Variants in EMX1 observed in about 807,000 individuals in gnomAD.
The protein encoded by EMX1 is homeobox protein EMX1.
Under a neutral mutation model 20.1 loss-of-function variants are expected in EMX1, and 10 were observed. That is an observed-to-expected ratio of 0.50 (90% CI 0.31 to 0.84). The LOEUF (loss-of-function observed/expected upper bound fraction) is 0.84. Ranked by LOEUF, EMX1 falls within the 40% of genes least tolerant of loss-of-function variation. The pLI, the probability that EMX1 is intolerant of heterozygous loss-of-function variation, is 0.05. For synonymous variants in EMX1, 250 were observed against 200.4 expected (o/e 1.25, Z -2.09); for missense variants, 424 against 431.9 (o/e 0.98, Z 0.16).
At chr2:72,925,399 T>C in intron 2 of EMX1, 7 of 1,245,614 alleles carry the variant, frequency 5.6e-6, no homozygotes, top group Non-Finnish European at 7.3e-6. Context: ...CATAAATAAA[T>C]GCTGCCTGGG....
chr2:72,917,754 G>C lies in EMX1; in HGVS notation c.-99G>C. The C allele has an allele frequency of 8.9e-7, 1 of 1,129,214 alleles. No individual in the cohort carries two copies. 69.9% of individuals were successfully genotyped at this position (1,129,214 alleles called of 1,614,324 possible). ...TACGCTGTGGCCGGACCCCGCGGTC[G>C]CTCGCTCACACACCCCTCGCCGCTC... On this transcript the variant is annotated 5_prime_UTR_variant, in exon 1 of 3. Coordinates refer to ENST00000258106, the MANE Select transcript of EMX1 (RefSeq NM_004097.3).
At chr2:72,917,434 C>A, upstream of EMX1, 1 of 201,704 alleles carries the variant, frequency 5.0e-6, no homozygotes, top group Non-Finnish European at 9.9e-6. Flanking sequence ...TCCCCACCCG[C>A]CGTCCCTCGC....
At chr2:72,928,743 A>G (rs1671241998) in intron 2 of EMX1, among the ~76,000 whole-genome samples, 1 of 152,218 alleles carries the variant, frequency 6.6e-6, no homozygotes, top group South Asian at 2.1e-4. Context: ...AAGCTTGCAC[A>G]TTTGTGAAAC....
At position 72,930,774 on chromosome 2, in the gene EMX1, AC is replaced by A. The variant is rs1671267819; in HGVS notation, c.706-3012del. On this transcript the variant is annotated intron_variant, in intron 2 of 2. Coordinates refer to ENST00000258106, the MANE Select transcript of EMX1 (RefSeq NM_004097.3). This position sits in a 1 kb window ranked among gnomAD's most constrained non-coding sequence, Gnocchi z 4.4. ...TGAAATGTCACTCTCATCTCCTAAT[AC>A]ACTCAGAGCCCAGTTCCTTTTCTTT... is the stretch of plus-strand genomic sequence containing the variant. 6.6e-6 allele frequency among the ~76,000 whole-genome samples: 1 copy of A among 152,162 alleles called. No homozygotes were observed. Among genetic ancestry groups the A allele is most frequent in the Non-Finnish European group, 1.5e-5 (1 of 68,030 alleles).
In EMX1 at chr2:72,924,387, C is replaced by G; in HGVS notation, c.599C>G (p.Ser200Trp). ...RKPKRIRTAF[S>W]PSQLLRLERA... ...CCCAAGCGGATCCGCACGGCCTTCTCGCCCTCGCAGCTGCTGCGGCTGGAG... is the reference window on the plus strand; with the variant it reads ...CCCAAGCGGATCCGCACGGCCTTCTGGCCCTCGCAGCTGCTGCGGCTGGAG... The change falls in exon 2 of 3, where the codon TCG becomes TGG. Residue 200 changes from serine (S) to tryptophan (W), a missense_variant. By Grantham distance (177) the Ser-to-Trp change is radical. Around this residue, in one of 2 missense-constraint regions of EMX1, gnomAD observed 91 missense variants for 135.2 expected, o/e 0.67. Coordinates refer to ENST00000258106, the MANE Select transcript of EMX1 (RefSeq NM_004097.3). The G allele has an allele frequency of 6.3e-7, 1 of 1,594,828 alleles. No individual in the cohort carries two copies. Among genetic ancestry groups the G allele is most frequent in the Non-Finnish European group, 8.5e-7 (1 of 1,175,244 alleles).
chr2:72,917,088 C>T (rs1220679367), upstream of EMX1: 1 of 627,972 alleles, frequency 1.6e-6, no homozygotes, highest in African/African-American at 1.8e-5. Flanking sequence ...TCCCGGAGAG[C>T]AGGGGGGCAG....
rs773282909 is a variant in EMX1, at chr2:72,918,113, C to G, written c.261C>G (p.His87Gln). Residue 87 changes from histidine to glutamine, a missense_variant, in exon 1 of 3, where the codon CAC becomes CAG. Coordinates refer to ENST00000258106, the MANE Select transcript of EMX1 (RefSeq NM_004097.3). ...PLRPTALNYP[H>Q]PSAAEAAFVS... ...GGCCCACGGCGCTCAACTACCCTCA[C>G]CCCAGCGCGGCCGAGGCGGCCTTCG... 6.8e-7 allele frequency: 1 copy of G among 1,477,510 alleles called. No individual in the cohort carries two copies. The highest frequency in any genetic ancestry group is 1.5e-5 in the African/African-American group (1 of 68,038). 91.5% of individuals were successfully genotyped at this position (1,477,510 alleles called of 1,614,324 possible).
chr2:72,927,466 A>G (rs1275059230), intron 2 of EMX1, among the ~76,000 whole-genome samples: 1 of 152,116 alleles, frequency 6.6e-6, no homozygotes, highest in Non-Finnish European at 1.5e-5. Flanking sequence ...TACCTCCTCC[A>G]CATTCTCAGA....
chr2:72,920,881 C>T (rs1179813030), intron 1 of EMX1, among the ~76,000 whole-genome samples: 1 of 152,216 alleles, frequency 6.6e-6, no homozygotes, highest in Non-Finnish European at 1.5e-5. Flanking sequence ...GGTCTAGGAG[C>T]AACGCCTGGA....
chr2:72,929,593 A>G (rs1262345748), intron 2 of EMX1, among the ~76,000 whole-genome samples: 5 of 152,202 alleles, frequency 3.3e-5, no homozygotes, highest in African/African-American at 1.2e-4. Flanking sequence ...GATATTTGAA[A>G]TCTTTGAAGA....
intron 2 of EMX1, among the ~76,000 whole-genome samples, chr2:72,927,263 T>C (rs1671220421): frequency 6.6e-6 from 1 of 152,266 alleles, no homozygotes; most frequent in Non-Finnish European, 1.5e-5. Flanking sequence ...CATAGAGCTA[T>C]TTCGCAACTG....
At chr2:72,923,964 C>A in intron 1 of EMX1, 1 of 432,518 alleles carries the variant, frequency 2.3e-6, no homozygotes, top group Non-Finnish European at 4.2e-6. Context: ...TTCTTCCCCA[C>A]CCCTTGGCCT....
upstream of EMX1, among the ~76,000 whole-genome samples, chr2:72,917,224 C>CGGGGA (rs1289939740): frequency 6.6e-6 from 1 of 152,196 alleles, no homozygotes; most frequent in Non-Finnish European, 1.5e-5. Flanking sequence ...AGCTACACAC[C>CGGGGA]GGGGAGGGGA....
At chr2:72,918,965 C>T (rs530010969) in intron 1 of EMX1, among the ~76,000 whole-genome samples, 1 of 152,244 alleles carries the variant, frequency 6.6e-6, no homozygotes, top group Non-Finnish European at 1.5e-5. Context: ...TCACACGTGC[C>T]TCTCCTACCC....
chr2:72,918,130 C>G lies in EMX1; in HGVS notation c.278C>G (p.Ala93Gly), dbSNP rs1671021935. ...TACCCTCACCCCAGCGCGGCCGAGG[C>G]GGCCTTCGTGAGTGGCTTCCCTGCC... The part of the protein sequence containing the change: ...LNYPHPSAAE[A>G]AFVSGFPAAA... The change falls in exon 1 of 3, where the codon GCG becomes GGG. Residue 93 changes from alanine (A) to glycine (G), a missense_variant. This residue lies in a region of EMX1 where 333 missense variants were observed against 296.6 expected (regional missense o/e 1.12). Transcript: ENST00000258106. 1 of 1,488,572 alleles carries G rather than the reference C, an allele frequency of 6.7e-7. No individual in the cohort carries two copies. The highest frequency in any genetic ancestry group is 1.3e-5 in the South Asian group (1 of 77,910). 92.2% of individuals were successfully genotyped at this position (1,488,572 alleles called of 1,614,324 possible).
At chr2:72,918,738 G>A (rs1003615775) in intron 1 of EMX1, among the ~76,000 whole-genome samples, 2 of 152,176 alleles carry the variant, frequency 1.3e-5, no homozygotes, top group Non-Finnish European at 1.5e-5. Context: ...CCCTCCGCCC[G>A]GCTTAACCTC....
chr2:72,918,408 C>A (rs752281542), intron 1 of EMX1, 36 bp downstream of exon 1: 3 of 1,361,680 alleles, frequency 2.2e-6, no homozygotes, highest in East Asian at 6.2e-5. Context: ...AGGCGGCCGG[C>A]CGGCGCCCGT....
chr2:72,924,103 G>C (rs1282512338), intron 1 of EMX1: 6 of 644,926 alleles, frequency 9.3e-6, no homozygotes, highest in African/African-American at 9.0e-5. Context: ...TCTCGAGTGC[G>C]GGGAGGTGTT....
chr2:72,933,558 C>T (rs1028567493), intron 2 of EMX1: 2 of 556,986 alleles, frequency 3.6e-6, no homozygotes, highest in Non-Finnish European at 3.2e-6. Flanking sequence ...ACAGGAAAAC[C>T]ACCCTTCTCT....
Sources: allele counts gnomAD v4.1 joint callset (sites outside exome capture counted in the v4.1 genomes callset), GRCh38; gene constraint gnomAD v4.1.1; regional missense constraint gnomAD v4.1.1; non-coding constraint Gnocchi (gnomAD v3.1); transcripts MANE v1.5; gene names NCBI Gene and HGNC (gene_info 2026-07-23, HGNC 2026-07-21).